Variants in SEC31B observed in about 807,000 individuals in gnomAD.
The protein encoded by SEC31B is SEC31 homolog B, COPII component.
SEC31B carries 113 observed loss-of-function variants against 135.0 expected under a neutral mutation model. That is an observed-to-expected ratio of 0.84 (90% confidence interval 0.72 to 0.98). SEC31B has a LOEUF of 0.98. Ranked by LOEUF, SEC31B falls within the 50% of genes least tolerant of loss-of-function variation. SEC31B has a pLI of 0.00. For synonymous variants in SEC31B, 508 were observed against 549.4 expected, an observed-to-expected ratio of 0.92 and a Z score of 1.05; for missense variants, 1,296 against 1,421.1, an observed-to-expected ratio of 0.91 and a Z score of 1.42.
rs139208425 is a variant in SEC31B at position 100,488,884 on chromosome 10, G to T, written c.3262C>A (p.Arg1088Ser). The T allele has an allele frequency of 1.0e-5, 16 of 1,606,652 alleles. No homozygotes were observed. The highest frequency in any genetic ancestry group is 7.6e-6 in the Non-Finnish European group (9 of 1,177,128). ...AAGTCAGTTGCAGACAGGGAGCAGC[G>T]TTGGAGAAGCGCCTCAAAGCTGCTC... Reference protein sequence around the residue: ...LKSSFEALLQRCSLSATDLKT... With the variant: ...LKSSFEALLQSCSLSATDLKT... Residue 1088 changes from arginine to serine, a missense_variant, in exon 24 of 26, where the codon CGC becomes AGC. Transcript: ENST00000370345.
chr10:100,503,964 G>C (rs950899281), intron 10 of SEC31B, among the ~76,000 whole-genome samples: 10 of 151,442 alleles, frequency 6.6e-5, no homozygotes, highest in African/African-American at 2.4e-4. Flanking sequence ...CGTGACTTCT[G>C]CAGCACAAAA....
At position 100,499,576 on chromosome 10, in the gene SEC31B, C is replaced by G. The variant is rs11819496; in HGVS notation, c.1433G>C (p.Arg478Thr). Residue 478 changes from arginine (R) to threonine (T), a missense_variant, in exon 12 of 26, where the codon AGA (arginine) becomes ACA (threonine). Transcript: ENST00000370345. ...TCCTAAAAGCTTTAGGAATTTCATT[C>G]TGGAGTCTTGCTCTAAGGTCACCTA... ...FLKVTLEQDS[R>T]MKFLKLLGYS... 1,085 of 1,611,986 alleles carry G rather than the reference C, an allele frequency of 6.7e-4. 11 individuals are homozygous for G. The African/African-American group carries it at 0.013, about 19-fold the overall frequency.
At chr10:100,493,290 G>T (rs1186228320) in intron 19 of SEC31B, among the ~76,000 whole-genome samples, 1 of 151,680 alleles carries the variant, frequency 6.6e-6, no homozygotes. Flanking sequence ...GGAGAATGGC[G>T]TGAACCTGGG....
rs777672854 is a variant in SEC31B at position 100,488,936 on chromosome 10, C to G, written c.3210G>C (p.Glu1070Asp). 6.2e-7 allele frequency: 1 copy of G among 1,611,238 alleles called. No individual in the cohort carries two copies. The highest frequency in any genetic ancestry group is 8.5e-7 in the Non-Finnish European group (1 of 1,179,116). Residue 1070 changes from glutamate (E) to aspartate (D), a missense_variant, in exon 24 of 26, where the codon GAG becomes GAC. Coordinates refer to ENST00000370345, the MANE Select transcript of SEC31B (RefSeq NM_015490.4). ...HLPPEKMERKELPPEHQSLKS... is the reference protein window; with the variant it reads ...HLPPEKMERKDLPPEHQSLKS... ...TCAAGGACTGATGCTCTGGGGGCAG[C>G]TCCTTCCTTTCCATCTTCTCAGGTG... is the stretch of plus-strand genomic sequence containing the variant.
chr10:100,515,633 C>T lies in SEC31B; in HGVS notation c.203+463G>A, dbSNP rs187531474. Among the ~76,000 whole-genome samples, 20 of 152,304 alleles carry T rather than the reference C, an allele frequency of 1.3e-4. 1 individual carries two copies. The highest frequency in any genetic ancestry group is 6.5e-5 in the Admixed American group (1 of 15,298). ...ACAGTGTCTGGCATGTATACATGTG[C>T]TCAATGAATGATAGTATCTAGCGCT... On this transcript the variant is annotated intron_variant, in intron 3 of 25. Coordinates refer to ENST00000370345, the MANE Select transcript of SEC31B (RefSeq NM_015490.4).
chr10:100,500,153 T>C (rs991873019), intron 11 of SEC31B: 1 of 456,632 alleles, frequency 2.2e-6, no homozygotes, highest in East Asian at 7.0e-5. Context: ...GAGCTGTCTC[T>C]GGCGGGCTGA....
chr10:100,490,622 C>T (rs537144164), intron 20 of SEC31B, 84 bp downstream of exon 20: 359 of 1,347,110 alleles, frequency 2.7e-4, no homozygotes, highest in Non-Finnish European at 3.4e-4. Flanking sequence ...AGACATACAG[C>T]TTCCCAAATC....
chr10:100,489,413 G>A lies in SEC31B; in HGVS notation c.3025-15C>T, dbSNP rs1440265502. ...GTCTCTGGCAGCTAAAGAGACAGAA[G>A]GAAAGACATGAGTCTAACCTGAGAG... is the stretch of plus-strand genomic sequence containing the variant. On this transcript the variant is annotated splice_polypyrimidine_tract_variant and intron_variant, in intron 22 of 25. Coordinates refer to ENST00000370345, the MANE Select transcript of SEC31B (RefSeq NM_015490.4). 1 of 1,612,938 alleles carries A rather than the reference G, an allele frequency of 6.2e-7. No individual in the cohort carries two copies. The highest frequency in any genetic ancestry group is 8.5e-7 in the Non-Finnish European group (1 of 1,179,722).
chr10:100,499,071 A>C, intron 13 of SEC31B, 89 bp downstream of exon 13: 1 of 1,041,070 alleles, frequency 9.6e-7, no homozygotes, highest in Non-Finnish European at 1.5e-6. Flanking sequence ...ACTTACAGAC[A>C]GCAAAGAAAA....
chr10:100,507,685 C>T (rs2133691993), intron 6 of SEC31B, 118 bp from the exon 7 acceptor site: 1 of 1,410,516 alleles, frequency 7.1e-7, no homozygotes, highest in East Asian at 2.3e-5. Flanking sequence ...CCACAGGCAT[C>T]AGAGAGTGAT....
intron 19 of SEC31B, chr10:100,494,731 A>C (rs1257621938): frequency 6.6e-6 from 1 of 152,388 alleles, no homozygotes; most frequent in Admixed American, 6.5e-5. Context: ...CTGCCCCCAC[A>C]ACCTCACCAT....
intron 7 of SEC31B, 51 bp downstream of exon 7, chr10:100,507,374 C>T: frequency 6.2e-7 from 1 of 1,611,682 alleles, no homozygotes; most frequent in South Asian, 1.1e-5. Context: ...CTACCCAGCC[C>T]AGTTATATCC....
intron 19 of SEC31B, chr10:100,495,079 G>A: frequency 5.7e-6 from 2 of 348,888 alleles, no homozygotes; most frequent in Non-Finnish European, 1.1e-5. Flanking sequence ...GCCCGCTTTG[G>A]CCTCCCAAAG....
chr10:100,517,054 G>A, intron 1 of SEC31B, 57 bp from the exon 2 acceptor site: 1 of 838,606 alleles, frequency 1.2e-6, no homozygotes, highest in Non-Finnish European at 2.0e-6. Context: ...CTGCGGACAA[G>A]AGTTCTTGTT....
intron 5 of SEC31B, chr10:100,508,608 C>A (rs1000292564): frequency 9.6e-6 from 4 of 416,440 alleles, no homozygotes; most frequent in Non-Finnish European, 1.9e-5. Context: ...ACAAAGCTGA[C>A]CCCCCCCTCC....
chr10:100,496,204 C>G, intron 18 of SEC31B, 54 bp downstream of exon 18: 2 of 1,583,102 alleles, frequency 1.3e-6, no homozygotes, highest in African/African-American at 2.7e-5. Context: ...AGTGCTCAAT[C>G]AATGTTAGAT....
chr10:100,501,169 C>T (rs550905882), intron 11 of SEC31B, among the ~76,000 whole-genome samples: 55 of 152,162 alleles, frequency 3.6e-4, no homozygotes, highest in Non-Finnish European at 6.2e-4. Context: ...TGCTTGAACC[C>T]GGGAGGCAGA....
chr10:100,489,307 G>A lies in SEC31B; in HGVS notation c.3116C>T (p.Pro1039Leu), dbSNP rs775122820. 1.2e-6 allele frequency: 2 copies of A among 1,613,278 alleles called. No individual in the cohort carries two copies. Among genetic ancestry groups the A allele is most frequent in the East Asian group, 2.2e-5 (1 of 44,880 alleles). Residue 1039 changes from proline (P) to leucine (L), a missense_variant, in exon 23 of 26, where the codon CCT becomes CTT. Physicochemically the swap from Pro to Leu is moderately conservative, Grantham distance 98. Transcript: ENST00000370345. Reference sequence around the variant, plus strand: ...GGGAGCATGACTCACACTGGAGACAGGGGGCTGTGAGGGAAGAATCCCTTG... The same window carrying A: ...GGGAGCATGACTCACACTGGAGACAAGGGGCTGTGAGGGAAGAATCCCTTG... ...ELQGILPSQP[P>L]VSSVSHAPPG...
intron 19 of SEC31B, among the ~76,000 whole-genome samples, chr10:100,492,004 G>T (rs1851309396): frequency 6.6e-6 from 1 of 152,178 alleles, no homozygotes; most frequent in South Asian, 2.1e-4. Flanking sequence ...TTGGACTCCA[G>T]AACCATAAGA....
Sources: gnomAD v4.1 joint callset for allele counts (sites outside exome capture counted in the v4.1 genomes callset) on GRCh38, gnomAD v4.1.1 for gene constraint, MANE v1.5 for transcripts, NCBI Gene and HGNC (gene_info 2026-07-23, HGNC 2026-07-21) for gene names.